MEX3C: variants seen among roughly 807,000 people sequenced by gnomAD.
MEX3C encodes RNA-binding E3 ubiquitin-protein ligase MEX3C.
Under a neutral mutation model 35.5 loss-of-function variants are expected in MEX3C, and 15 were observed. The ratio of observed to expected loss-of-function variants is 0.42; its 90% CI spans 0.28 to 0.65. The LOEUF (loss-of-function observed/expected upper bound fraction) is 0.65, where lower values mean the gene tolerates loss of function less well. MEX3C is among the 30% of genes least tolerant of loss of function. The pLI is 0.20. For synonymous variants in MEX3C, 390 were observed against 352.8 expected, an observed-to-expected ratio of 1.11 and a Z score of -1.18; for missense variants, 711 against 842.8, an observed-to-expected ratio of 0.84 and a Z score of 1.94.
rs1275831080 is a variant in MEX3C, at chr18:51,197,584, G to T, written c.-264C>A. 2.0e-5 allele frequency among the ~76,000 whole-genome samples: 3 copies of T among 151,524 alleles called. No homozygotes were observed. The South Asian group carries it at 6.2e-4, about 32-fold the overall frequency. On this transcript the variant is annotated 5_prime_UTR_variant, in exon 1 of 2. Coordinates refer to ENST00000406189, the MANE Select transcript of MEX3C (RefSeq NM_016626.5). The stretch of plus-strand genomic sequence containing the variant: ...GCGGCGGGGCGGGCTGGTGGAGGTG[G>T]CAGCGGCTCCCCTCTCAGTGTTTCT...
intron 1 of MEX3C, among the ~76,000 whole-genome samples, chr18:51,182,628 T>G (rs1912456160): frequency 6.6e-6 from 1 of 152,196 alleles, no homozygotes; most frequent in Non-Finnish European, 1.5e-5. Context: ...GCTAGAACTC[T>G]GGTCCTCTCA....
At chr18:51,179,528 T>C (rs1341660715) in intron 1 of MEX3C, among the ~76,000 whole-genome samples, 1 of 151,072 alleles carries the variant, frequency 6.6e-6, no homozygotes, top group Non-Finnish European at 1.5e-5. Context: ...CTCCAGTGAG[T>C]ATTTTCTTTG....
intron 1 of MEX3C, chr18:51,195,616 G>C (rs948367809): frequency 6.6e-6 from 1 of 152,174 alleles, no homozygotes; most frequent in South Asian, 2.1e-4. Context: ...GTCATGCGGT[G>C]GCAGCAGGTA....
intron 1 of MEX3C, among the ~76,000 whole-genome samples, chr18:51,181,476 A>C (rs1184900732): frequency 6.7e-6 from 1 of 148,768 alleles, no homozygotes; most frequent in Non-Finnish European, 1.5e-5. Flanking sequence ...TCTACCTATA[A>C]GATTGTCAAA....
chr18:51,181,572 A>G (rs1599251833), intron 1 of MEX3C, among the ~76,000 whole-genome samples: 1 of 152,218 alleles, frequency 6.6e-6, no homozygotes, highest in East Asian at 1.9e-4. Context: ...GCCCTCTAAG[A>G]GCTATCACAG....
rs767118052 is a variant in MEX3C at position 51,196,526 on chromosome 18, C to CG, written c.754+40dup. On this transcript the variant is annotated intron_variant, in intron 1 of 1. Coordinates refer to ENST00000406189, the MANE Select transcript of MEX3C (RefSeq NM_016626.5). ...TTTCTCTCGTCTCCCCACCCACGCC[C>CG]GGGGCCATGCCCAGCTGGACCTCCC... 31 of 1,530,724 alleles carry CG rather than the reference C, an allele frequency of 2.0e-5. No homozygotes were observed. In the African/African-American group the frequency reaches 4.2e-4, roughly 21 times the overall value. 94.8% of individuals were successfully genotyped at this position (1,530,724 alleles called of 1,614,324 possible).
intron 1 of MEX3C, chr18:51,193,587 T>C (rs188939292): frequency 1.3e-5 from 2 of 152,332 alleles, no homozygotes; most frequent in East Asian, 3.9e-4. Flanking sequence ...TTGTCAGGTT[T>C]ATTTTTGATG....
At chr18:51,192,638 C>T (rs559102871) in intron 1 of MEX3C, among the ~76,000 whole-genome samples, 1 of 152,072 alleles carries the variant, frequency 6.6e-6, no homozygotes, top group South Asian at 2.1e-4. Context: ...ACAAGTTAAT[C>T]CAAAATACTA....
chr18:51,194,987 A>G (rs1339247348), intron 1 of MEX3C: 1 of 152,202 alleles, frequency 6.6e-6, no homozygotes, highest in African/African-American at 2.4e-5. Context: ...TTGTCATACT[A>G]AATACACTAT....
chr18:51,191,556 C>T (rs11082861), intron 1 of MEX3C, among the ~76,000 whole-genome samples: 18,546 of 152,134 alleles, frequency 0.12, 1,501 homozygotes, highest in African/African-American at 0.23. Context: ...TTCAGATATC[C>T]GTTGGTTCTA....
rs1912802062 is a variant in MEX3C, at chr18:51,196,747, C to G, written c.574G>C (p.Asp192His). The G allele has an allele frequency of 1.3e-6, 2 of 1,518,236 alleles. No individual in the cohort carries two copies. The highest frequency in any genetic ancestry group is 2.8e-5 in the African/African-American group (2 of 71,638). The allele number at this position is 1,518,236 out of a possible 1,614,324, so 94.0% of individuals were successfully genotyped here. Residue 192 changes from aspartate to histidine, a missense_variant, in exon 1 of 2, where the codon GAT becomes CAT. By Grantham distance (81) the Asp-to-His change is moderately conservative. Transcript: ENST00000406189. ...ATCGCCGCCATCATGCCCTGGGCAT[C>G]GTCCCCTCCGTACAGCACCCCCGCC... ...AAAGVLYGGD[D>H]AQGMMAAMLS...
In MEX3C at chr18:51,177,248, T is replaced by TA; in HGVS notation, c.1082dup (p.Thr362AsnfsTer6). ...CAGGTTCCTTATCTCTGCTCGGAGT[T>TA]ACTATGTAGGTGTGGGTCTGCTGCT... On this transcript the variant is annotated frameshift_variant, in exon 2 of 2. Coordinates refer to ENST00000406189, the MANE Select transcript of MEX3C (RefSeq NM_016626.5). LOFTEE classifies it high-confidence loss of function. The surrounding 1 kb of genome is among the most constrained non-coding windows in gnomAD (Gnocchi z 4.2). The TA allele has an allele frequency of 6.2e-7, 1 of 1,614,016 alleles. No homozygotes were observed. The highest frequency in any genetic ancestry group is 8.5e-7 in the Non-Finnish European group (1 of 1,179,892).
At chr18:51,196,453 G>C in intron 1 of MEX3C, 114 bp downstream of exon 1, 1 of 1,464,112 alleles carries the variant, frequency 6.8e-7, no homozygotes, top group Non-Finnish European at 9.0e-7. Flanking sequence ...ACCCCTTCGC[G>C]GTGGACTTGG....
rs1912327062 is a variant in MEX3C at position 51,177,279 on chromosome 18, C to T, written c.1052G>A (p.Arg351Lys). The T allele has an allele frequency of 6.2e-7, 1 of 1,613,904 alleles. No individual in the cohort carries two copies. ...VVGPKGATIK[R>K]IQQQTHTYIV... Reference sequence around the variant, plus strand: ...GTAGGTGTGGGTCTGCTGCTGAATTCTTTTAATAGTTGCTCCTTTGGGTCC... The same window carrying T: ...GTAGGTGTGGGTCTGCTGCTGAATTTTTTTAATAGTTGCTCCTTTGGGTCC... Residue 351 changes from arginine (R) to lysine (K), a missense_variant, in exon 2 of 2, where the codon AGA becomes AAA. Physicochemically the swap from Arg to Lys is conservative, Grantham distance 26 (BLOSUM62 2). Transcript: ENST00000406189. The surrounding 1 kb of genome is among the most constrained non-coding windows in gnomAD (Gnocchi z 4.2).
chr18:51,196,800 G>A lies in MEX3C; in HGVS notation c.521C>T (p.Ala174Val), dbSNP rs1464689916. The change falls in exon 1 of 2, where the codon GCC becomes GTC. Residue 174 changes from alanine (A) to valine (V), a missense_variant. By Grantham distance (64) the Ala-to-Val change is moderately conservative (BLOSUM62 0). Around this residue, in one of 4 missense-constraint regions of MEX3C, gnomAD observed 354 missense variants for 311.6 expected, o/e 1.14. Transcript: ENST00000406189. ...CGCCGCCGCGGCCGCCGCCTCCCGG[G>A]CATCGAACCTGGCGGCTGGCAGCAG... ...SVLLPAARFD[A>V]REAAAAAAAA... 13 of 1,530,940 alleles carry A rather than the reference G, an allele frequency of 8.5e-6. No homozygotes were observed. The highest frequency in any genetic ancestry group is 1.1e-5 in the Non-Finnish European group (13 of 1,144,264). 94.8% of individuals were successfully genotyped at this position (1,530,940 alleles called of 1,614,324 possible).
Position 51,176,281 on chromosome 18 carries a change from G to A in MEX3C, c.*70C>T. The A allele has an allele frequency of 7.5e-7, 1 of 1,341,110 alleles. No homozygotes were observed. The highest frequency in any genetic ancestry group is 1.0e-6 in the Non-Finnish European group (1 of 995,494). 83.1% of individuals were successfully genotyped at this position (1,341,110 alleles called of 1,614,324 possible). On this transcript the variant is annotated 3_prime_UTR_variant, in exon 2 of 2. Transcript: ENST00000406189. ...ATAAGAAATCATTAGGAAGTTTACTGGGGGGTACCATTATACCCATGCCTT... is the reference window on the plus strand; with the variant it reads ...ATAAGAAATCATTAGGAAGTTTACTAGGGGGTACCATTATACCCATGCCTT...
Position 51,176,081 on chromosome 18 carries a change from G to C in MEX3C, c.*270C>G, listed in dbSNP as rs1946313568. The C allele has an allele frequency of 3.2e-6, 1 of 309,284 alleles. No individual in the cohort carries two copies. The allele number at this position is 309,284 out of a possible 1,614,324, so 19.2% of individuals were successfully genotyped here. On this transcript the variant is annotated 3_prime_UTR_variant, in exon 2 of 2. Transcript: ENST00000406189. ...ATGATTATCTTCACTCAGCCAAGTT[G>C]AACTTCAGCTTTAGCAATTCTTATA... is the stretch of plus-strand genomic sequence containing the variant.
At chr18:51,180,077 G>C (rs1912391341) in intron 1 of MEX3C, among the ~76,000 whole-genome samples, 2 of 151,104 alleles carry the variant, frequency 1.3e-5, no homozygotes, top group South Asian at 4.2e-4. Flanking sequence ...TTGACCATTA[G>C]AAAACTGAAA....
chr18:51,195,183 T>G (rs1912749249), intron 1 of MEX3C: 1 of 152,202 alleles, frequency 6.6e-6, no homozygotes, highest in Non-Finnish European at 1.5e-5. Context: ...TGTTGTAATT[T>G]TATCCCATGT....
Sources: gnomAD v4.1 joint callset for allele counts (sites outside exome capture counted in the v4.1 genomes callset) on GRCh38, gnomAD v4.1.1 for gene constraint, gnomAD v4.1.1 regional missense constraint, Gnocchi (gnomAD v3.1) non-coding constraint, MANE v1.5 for transcripts, NCBI Gene and HGNC (gene_info 2026-07-23, HGNC 2026-07-21) for gene names.